The following BAZ2B variants were observed in gnomAD, a reference collection of about 807,000 sequenced individuals.
The protein encoded by BAZ2B is bromodomain adjacent to zinc finger domain protein 2B.
Under a neutral mutation model 246.0 loss-of-function variants are expected in BAZ2B, and 91 were observed. The observed-to-expected ratio is 0.37, with a 90% CI of 0.31 to 0.44. BAZ2B has a LOEUF of 0.44. Among genes scored for constraint, BAZ2B ranks in the 20% least tolerant of loss-of-function variants. The pLI is 1.00. For synonymous variants in BAZ2B, 855 were observed against 860.0 expected, an observed-to-expected ratio of 0.99 and a Z score of 0.10; for missense variants, 2,332 against 2,533.7, an observed-to-expected ratio of 0.92 and a Z score of 1.71.
rs902143026 is a variant in BAZ2B, at chr2:159,562,327, T to C, written c.-45-6462A>G. Reference sequence around the variant, plus strand: ...GACAACTTCATTGTTTTGCTTGTGATAAAAAACCATGGAAACAAAGCATAA... The same window carrying C: ...GACAACTTCATTGTTTTGCTTGTGACAAAAAACCATGGAAACAAAGCATAA... On this transcript the variant is annotated intron_variant, in intron 1 of 36. Coordinates refer to ENST00000392783, the MANE Select transcript of BAZ2B (RefSeq NM_013450.4). Among the ~76,000 whole-genome samples, 5 of 152,170 alleles carry C rather than the reference T, an allele frequency of 3.3e-5. No homozygotes were observed. In the East Asian group the frequency reaches 7.7e-4, roughly 23 times the overall value.
intron 1 of BAZ2B, among the ~76,000 whole-genome samples, chr2:159,563,658 A>G (rs2090089590): frequency 6.6e-6 from 1 of 152,206 alleles, no homozygotes; most frequent in South Asian, 2.1e-4. Context: ...GATAATTGCC[A>G]GGGACTAGGG....
At chr2:159,614,512 A>C (rs1695437138) in intron 1 of BAZ2B, among the ~76,000 whole-genome samples, 1 of 152,150 alleles carries the variant, frequency 6.6e-6, no homozygotes, top group African/African-American at 2.4e-5. Flanking sequence ...GATAATCTAA[A>C]ATAACCATAC....
intron 1 of BAZ2B, among the ~76,000 whole-genome samples, chr2:159,567,943 G>C (rs1683040015): frequency 6.6e-6 from 1 of 152,166 alleles, no homozygotes; most frequent in African/African-American, 2.4e-5. Context: ...CTGCACTCCA[G>C]CCTGGGGAAA....
At chr2:159,318,125 T>C (rs1575544044), downstream of BAZ2B, among the ~76,000 whole-genome samples, 1 of 152,174 alleles carries the variant, frequency 6.6e-6, no homozygotes, top group African/African-American at 2.4e-5. Flanking sequence ...TTATATACCA[T>C]CTAATATAAA....
the BAZ2B span, among the ~76,000 whole-genome samples, chr2:159,663,871 T>C: frequency 8.7e-5 from 12 of 138,406 alleles, no homozygotes; most frequent in African/African-American, 2.8e-4. Context: ...TTTTTTTTTT[T>C]TTTTTTTTTT....
At chr2:159,421,115 ATAAAT>A (rs2150048239) in intron 13 of BAZ2B, among the ~76,000 whole-genome samples, 1 of 152,302 alleles carries the variant, frequency 6.6e-6, no homozygotes, top group South Asian at 2.1e-4. Flanking sequence ...GTGGACCAAA[ATAAAT>A]AAAACTGATA....
At chr2:159,522,429 T>TAAC (rs745864305) in intron 2 of BAZ2B, among the ~76,000 whole-genome samples, 2 of 152,064 alleles carry the variant, frequency 1.3e-5, no homozygotes, top group Non-Finnish European at 1.5e-5. Flanking sequence ...ATAACAGCTT[T>TAAC]AACAACAACA....
intron 1 of BAZ2B, among the ~76,000 whole-genome samples, chr2:159,569,800 G>T (rs1683509938): frequency 6.6e-6 from 1 of 151,950 alleles, no homozygotes; most frequent in Admixed American, 6.6e-5. Flanking sequence ...ACTCCAGCCT[G>T]GGTGACAGAG....
At chr2:159,405,210 T>C (rs35567166) in intron 14 of BAZ2B, 96 bp from the exon 15 acceptor site, 363,778 of 1,043,362 alleles carry the variant, frequency 0.35, 64,100 homozygotes, top group South Asian at 0.46. Context: ...ATAAAGGATA[T>C]AATTATTACT....
intron 5 of BAZ2B, among the ~76,000 whole-genome samples, chr2:159,447,803 T>C (rs1332047828): frequency 1.3e-5 from 2 of 152,164 alleles, no homozygotes; most frequent in African/African-American, 2.4e-5. Flanking sequence ...TGAAAAGGTC[T>C]AGCATAACAC....
chr2:159,379,240 A>G (rs12618293), intron 25 of BAZ2B, among the ~76,000 whole-genome samples: 124,103 of 152,104 alleles, frequency 0.82, 51,420 homozygotes, highest in Middle Eastern at 0.91. Flanking sequence ...AGTCACAGAA[A>G]GTCAAATTCT....
At chr2:159,679,879 A>T in the BAZ2B span, among the ~76,000 whole-genome samples, 1 of 152,256 alleles carries the variant, frequency 6.6e-6, no homozygotes, top group Admixed American at 6.5e-5. Flanking sequence ...ACTATGCTAT[A>T]GAGTGCTGAT....
intron 3 of BAZ2B, among the ~76,000 whole-genome samples, chr2:159,468,187 G>T (rs1350990854): frequency 6.6e-6 from 1 of 152,168 alleles, no homozygotes; most frequent in East Asian, 1.9e-4. Flanking sequence ...TGGGTTTGAT[G>T]TATTTATTTA....
At chr2:159,385,688 A>T (rs2062566533) in intron 22 of BAZ2B, among the ~76,000 whole-genome samples, 1 of 152,092 alleles carries the variant, frequency 6.6e-6, no homozygotes, top group South Asian at 2.1e-4. Context: ...CCTTTCCCCA[A>T]GTTTCATCTG....
the BAZ2B span, among the ~76,000 whole-genome samples, chr2:159,632,886 A>G: frequency 6.6e-6 from 1 of 152,232 alleles, no homozygotes; most frequent in Non-Finnish European, 1.5e-5. Context: ...ACTCGTTTAA[A>G]CAAAAATATC....
chr2:159,446,970 T>C lies in BAZ2B; in HGVS notation c.508A>G (p.Asn170Asp). 6.4e-7 allele frequency: 1 copy of C among 1,551,620 alleles called. No individual in the cohort carries two copies. Among genetic ancestry groups the C allele is most frequent in the Non-Finnish European group, 8.7e-7 (1 of 1,151,956 alleles). The change falls in exon 6 of 37, where the codon AAT becomes GAT. Residue 170 changes from asparagine to aspartate, a missense_variant. Around this residue, in one of 9 missense-constraint regions of BAZ2B, gnomAD observed 242 missense variants for 237.4 expected, o/e 1.02. Transcript: ENST00000392783. ...SNRNGPEKGVNGSINGSNTSS... is the reference protein window; with the variant it reads ...SNRNGPEKGVDGSINGSNTSS... Reference sequence around the variant, plus strand: ...GTATTACTTCCATTTATTGACCCATTTACACCTTGAAAATAAAAATAAACA... The same window carrying C: ...GTATTACTTCCATTTATTGACCCATCTACACCTTGAAAATAAAAATAAACA...
Position 159,348,777 on chromosome 2 carries a change from T to G in BAZ2B, c.5194A>C (p.Lys1732Gln), listed in dbSNP as rs752067311. 1.9e-6 allele frequency: 3 copies of G among 1,613,082 alleles called. No homozygotes were observed. The Admixed American group carries it at 5.0e-5, about 27-fold the overall frequency. The change falls in exon 30 of 37, where the codon AAA becomes CAA. Residue 1732 changes from lysine (K) to glutamine (Q), a missense_variant. Physicochemically the swap from Lys to Gln is moderately conservative, Grantham distance 53. Transcript: ENST00000392783. ...CTTATTCCTCTGAGATGCAGCACTT[T>G]GAGCAAAGCTTTTAGGTCCTCTGGG... ...IDPEDLKALL[K>Q]VLHLRGIREK...
the BAZ2B span, among the ~76,000 whole-genome samples, chr2:159,656,970 GAGA>G: frequency 6.6e-6 from 1 of 152,028 alleles, no homozygotes. Flanking sequence ...GTCTTTTGCA[GAGA>G]AGTTTTAAAT....
chr2:159,375,938 T>C (rs2061370051), intron 25 of BAZ2B, among the ~76,000 whole-genome samples: 1 of 152,216 alleles, frequency 6.6e-6, no homozygotes, highest in South Asian at 2.1e-4. Context: ...ATTGAGTTTT[T>C]AGAATAAAAA....
Sources: allele counts gnomAD v4.1 joint callset (sites outside exome capture counted in the v4.1 genomes callset), GRCh38; gene constraint gnomAD v4.1.1; regional missense constraint gnomAD v4.1.1; transcripts MANE v1.5; gene names NCBI Gene and HGNC (gene_info 2026-07-23, HGNC 2026-07-21).